CSMD1: variants seen among roughly 807,000 people sequenced by gnomAD.
CSMD1 encodes the protein CUB and sushi domain-containing protein 1.
A neutral mutation model predicts 417.5 loss-of-function variants in CSMD1; 213 were observed. The ratio of observed to expected loss-of-function variants is 0.51; its 90% confidence interval spans 0.46 to 0.57. The LOEUF (loss-of-function observed/expected upper bound fraction) is 0.57, where lower values mean the gene tolerates loss of function less well. CSMD1 is among the 20% of genes least tolerant of loss of function. The pLI is 0.00. For synonymous variants in CSMD1, 2,862 were observed against 1,736.8 expected (o/e 1.65, Z -16.11); for missense variants, 6,923 against 4,529.7 (o/e 1.53, Z -15.17).
chr8:3,814,950 A>G (rs1354679744), intron 5 of CSMD1, among the ~76,000 whole-genome samples: 2 of 152,178 alleles, frequency 1.3e-5, no homozygotes, highest in Non-Finnish European at 2.9e-5. Flanking sequence ...AGCCATCCCA[A>G]AAAAATGATC....
At chr8:3,507,278 T>C (rs1256819971) in intron 10 of CSMD1, among the ~76,000 whole-genome samples, 1 of 152,152 alleles carries the variant, frequency 6.6e-6, no homozygotes, top group Non-Finnish European at 1.5e-5. Flanking sequence ...CCTTTACTCA[T>C]CTCATTACTA....
At chr8:4,222,105 CAAAA>C (rs11307752) in intron 3 of CSMD1, among the ~76,000 whole-genome samples, 2 of 146,238 alleles carry the variant, frequency 1.4e-5, no homozygotes, top group East Asian at 4.0e-4. Flanking sequence ...ATCAAACCAA[CAAAA>C]AAAAAAAACA....
At chr8:3,928,428 T>A (rs1809902383) in intron 5 of CSMD1, among the ~76,000 whole-genome samples, 1 of 152,194 alleles carries the variant, frequency 6.6e-6, no homozygotes. Context: ...AGTCCTAACT[T>A]TTCAAAAACC....
At chr8:4,618,620 T>A (rs978155122) in intron 2 of CSMD1, among the ~76,000 whole-genome samples, 1 of 152,114 alleles carries the variant, frequency 6.6e-6, no homozygotes, top group African/African-American at 2.4e-5. Flanking sequence ...GAGCTTCAGA[T>A]CTGAAATGAA....
rs138939518 is a variant in CSMD1 at position 4,463,855 on chromosome 8, G to T, written c.303-43790C>A. On this transcript the variant is annotated intron_variant, in intron 2 of 69. Transcript: ENST00000635120. The stretch of plus-strand genomic sequence containing the variant: ...CATAACCCCAGGAATATATTAAAAA[G>T]CACTGAAGAGTACACTTCAGGTCAA... 3.0e-4 allele frequency among the ~76,000 whole-genome samples: 46 copies of T among 152,206 alleles called. 1 individual carries two copies. The highest frequency in any genetic ancestry group is 2.7e-3 in the Admixed American group (41 of 15,282).
chr8:3,607,096 T>C (rs1033072121), intron 8 of CSMD1, among the ~76,000 whole-genome samples: 1 of 152,158 alleles, frequency 6.6e-6, no homozygotes, highest in African/African-American at 2.4e-5. Context: ...TACAAAAGTG[T>C]TTTTTCTTAA....
chr8:4,063,678 GA>G (rs1186677451), intron 3 of CSMD1, among the ~76,000 whole-genome samples: 3 of 152,176 alleles, frequency 2.0e-5, no homozygotes, highest in Non-Finnish European at 2.9e-5. Flanking sequence ...TACCAGGAAG[GA>G]TAAGCATGGA....
chr8:4,127,453 GAAAAAAAAAAA>G (rs199764792), intron 3 of CSMD1, among the ~76,000 whole-genome samples: 1 of 102,724 alleles, frequency 9.7e-6, no homozygotes, highest in African/African-American at 3.8e-5. Context: ...AAGCATTAAT[GAAAAAAAAAAA>G]AAAAAAAAAA....
chr8:3,271,221 T>A (rs1413099370), intron 26 of CSMD1, among the ~76,000 whole-genome samples: 2 of 152,018 alleles, frequency 1.3e-5, no homozygotes, highest in African/African-American at 4.8e-5. Flanking sequence ...GAATGATGAT[T>A]TCCAATTTCT....
intron 7 of CSMD1, among the ~76,000 whole-genome samples, chr8:3,691,421 T>A (rs907614508): frequency 2.0e-5 from 3 of 151,756 alleles, no homozygotes; most frequent in Non-Finnish European, 4.4e-5. Context: ...AACAAAAAAC[T>A]GTGTCAATGA....
chr8:3,426,846 A>G (rs575406914), intron 12 of CSMD1, among the ~76,000 whole-genome samples: 4 of 152,302 alleles, frequency 2.6e-5, no homozygotes, highest in African/African-American at 7.2e-5. Flanking sequence ...TATTTGTACT[A>G]CTATAAGGAA....
At chr8:3,505,629 G>C (rs548955037) in intron 10 of CSMD1, among the ~76,000 whole-genome samples, 2 of 152,240 alleles carry the variant, frequency 1.3e-5, no homozygotes, top group Non-Finnish European at 2.9e-5. Flanking sequence ...TATATTTGAG[G>C]AAATACAAAT....
chr8:4,526,630 G>C (rs1796527261), intron 2 of CSMD1, among the ~76,000 whole-genome samples: 2 of 152,260 alleles, frequency 1.3e-5, no homozygotes, highest in South Asian at 4.1e-4. Context: ...TCACTCTTGG[G>C]AATTAACAAA....
intron 12 of CSMD1, among the ~76,000 whole-genome samples, chr8:3,450,566 T>A (rs968472286): frequency 6.2e-5 from 7 of 113,600 alleles, no homozygotes; most frequent in African/African-American, 2.4e-4. Context: ...GCAGTGTTTG[T>A]TTTTTTTTTG....
chr8:3,760,699 C>A (rs915960025), intron 5 of CSMD1, among the ~76,000 whole-genome samples: 8 of 152,102 alleles, frequency 5.3e-5, no homozygotes, highest in Admixed American at 4.6e-4. Context: ...TTTTGGATAT[C>A]GCTTTGTTTG....
At chr8:4,420,559 G>A (rs930463399) in intron 2 of CSMD1, among the ~76,000 whole-genome samples, 12 of 152,026 alleles carry the variant, frequency 7.9e-5, no homozygotes, top group African/African-American at 2.9e-4. Context: ...AATATGACAG[G>A]TAAAGCATGT....
intron 3 of CSMD1, among the ~76,000 whole-genome samples, chr8:4,197,724 C>A (rs1563258674): frequency 6.6e-6 from 1 of 152,066 alleles, no homozygotes; most frequent in South Asian, 2.1e-4. Context: ...ACTAAAAATA[C>A]AAAAATTAGC....
intron 3 of CSMD1, among the ~76,000 whole-genome samples, chr8:4,144,852 G>A (rs975922878): frequency 6.6e-6 from 1 of 150,894 alleles, no homozygotes; most frequent in Non-Finnish European, 1.5e-5. Context: ...GGGAACCAGG[G>A]GAATTGTGTC....
At chr8:3,478,357 G>T (rs551147141) in intron 11 of CSMD1, among the ~76,000 whole-genome samples, 2 of 152,334 alleles carry the variant, frequency 1.3e-5, no homozygotes, top group South Asian at 4.1e-4. Context: ...CTACTTTACA[G>T]ATTTCCTTTA....
Sources: gnomAD v4.1 joint callset for allele counts (sites outside exome capture counted in the v4.1 genomes callset) on GRCh38, gnomAD v4.1.1 for gene constraint, MANE v1.5 for transcripts, NCBI Gene and HGNC (gene_info 2026-07-23, HGNC 2026-07-21) for gene names.